The following GNRHR variants were observed in gnomAD, a reference collection of about 807,000 sequenced individuals.
GNRHR encodes the protein gonadotropin-releasing hormone receptor.
A neutral mutation model predicts 28.1 loss-of-function variants in GNRHR; 14 were observed. The ratio of observed to expected loss-of-function variants is 0.50; its 90% CI spans 0.33 to 0.78. The LOEUF is 0.78. GNRHR is among the 30% of genes least tolerant of loss of function. GNRHR has a pLI of 0.02. For missense variants in GNRHR, 366 were observed against 382.1 expected, an observed-to-expected ratio of 0.96 and a Z score of 0.35; for synonymous variants, 141 against 140.5, an observed-to-expected ratio of 1.00 and a Z score of -0.02.
intron 1 of GNRHR, 120 bp downstream of exon 1, chr4:67,753,694 A>G: frequency 1.2e-6 from 1 of 857,600 alleles, no homozygotes; most frequent in Non-Finnish European, 1.9e-6. Flanking sequence ...TCACTCTCTG[A>G]CTTCCAGAAC....
rs1469253300 is a variant in GNRHR at position 67,754,075 on chromosome 4, G to A, written c.261C>T (p.Asn87=). ...GCATGACAATCAGAGTCTCCAACAG[G>A]TTGGCTAAGGTCAGATGTTTTAAGA... The part of the protein sequence containing the change: ...KLLLKHLTLA[N]LLETLIVMPL... The change falls in exon 1 of 3, where the codon AAC becomes AAT. Residue 87 remains asparagine (N), a synonymous_variant. Coordinates refer to ENST00000226413, the MANE Select transcript of GNRHR (RefSeq NM_000406.3). 3.1e-6 allele frequency: 5 copies of A among 1,614,108 alleles called. No individual in the cohort carries two copies. The highest frequency in any genetic ancestry group is 1.3e-5 in the African/African-American group (1 of 74,936).
chr4:67,741,563 C>G (rs936927906), intron 2 of GNRHR, among the ~76,000 whole-genome samples: 7 of 152,016 alleles, frequency 4.6e-5, no homozygotes, highest in African/African-American at 1.7e-4. Context: ...TGGGTAGATA[C>G]CTAGTAGTGG....
rs566104529 is a variant in GNRHR, at chr4:67,752,443, G to A, written c.522+1371C>T. On this transcript the variant is annotated intron_variant, in intron 1 of 2. Coordinates refer to ENST00000226413, the MANE Select transcript of GNRHR (RefSeq NM_000406.3). The stretch of plus-strand genomic sequence containing the variant: ...TCCCTATATTGCCCAGTCTGGTCTC[G>A]AACTCCTGGGCTCAAGTGATCCTCC... Among the ~76,000 whole-genome samples the A allele has an allele frequency of 6.6e-4, 100 of 151,436 alleles. 1 individual carries two copies. In the South Asian group the frequency reaches 0.02, roughly 30 times the overall value.
intron 1 of GNRHR, among the ~76,000 whole-genome samples, chr4:67,745,248 G>C (rs1375861471): frequency 6.6e-6 from 1 of 151,626 alleles, no homozygotes. Context: ...AAGACATGAA[G>C]AGACAGTTGC....
intron 2 of GNRHR, among the ~76,000 whole-genome samples, chr4:67,740,979 C>G (rs571449131): frequency 2.5e-4 from 38 of 152,240 alleles, no homozygotes; most frequent in African/African-American, 7.7e-4. Context: ...ATATGGGGTA[C>G]TCAAACTCTT....
At chr4:67,742,904 C>A (rs1378369209) in intron 2 of GNRHR, among the ~76,000 whole-genome samples, 1 of 151,924 alleles carries the variant, frequency 6.6e-6, no homozygotes, top group African/African-American at 2.4e-5. Flanking sequence ...TTTTAGCAGA[C>A]AAAACCAATT....
chr4:67,749,223 T>C (rs36031156), intron 1 of GNRHR, among the ~76,000 whole-genome samples: 248 of 152,228 alleles, frequency 1.6e-3, no homozygotes, highest in African/African-American at 5.6e-3. Flanking sequence ...CACCAGTAAA[T>C]TCTCTGTGTG....
At chr4:67,750,885 G>T (rs766570278) in intron 1 of GNRHR, among the ~76,000 whole-genome samples, 5 of 152,082 alleles carry the variant, frequency 3.3e-5, no homozygotes, top group Non-Finnish European at 7.4e-5. Context: ...CACTCATCAT[G>T]CATCACAGTC....
intron 1 of GNRHR, among the ~76,000 whole-genome samples, chr4:67,745,290 CAA>C (rs556829512): frequency 6.8e-6 from 1 of 147,306 alleles, no homozygotes; most frequent in Non-Finnish European, 1.5e-5. Context: ...CAAAACAAAA[CAA>C]AAAAAAACAA....
intron 1 of GNRHR, among the ~76,000 whole-genome samples, chr4:67,748,686 T>G (rs1465352313): frequency 6.6e-6 from 1 of 151,202 alleles, no homozygotes; most frequent in African/African-American, 2.4e-5. Context: ...CTGCACGTTG[T>G]GCACGTGTAC....
chr4:67,753,197 G>T (rs1731902570), intron 1 of GNRHR, among the ~76,000 whole-genome samples: 1 of 152,126 alleles, frequency 6.6e-6, no homozygotes, highest in Admixed American at 6.5e-5. Flanking sequence ...TAACTTTAGG[G>T]AAATATTTGG....
chr4:67,745,971 G>C (rs886552430), intron 1 of GNRHR, among the ~76,000 whole-genome samples: 1 of 152,068 alleles, frequency 6.6e-6, no homozygotes, highest in African/African-American at 2.4e-5. Context: ...GAATACTAAA[G>C]AGGTATGCAA....
At position 67,754,053 on chromosome 4, in the gene GNRHR, T is replaced by G; in HGVS notation, c.283A>C (p.Met95Leu). 5.0e-6 allele frequency: 8 copies of G among 1,614,146 alleles called. No individual in the cohort carries two copies. The highest frequency in any genetic ancestry group is 6.8e-6 in the Non-Finnish European group (8 of 1,179,968). The stretch of plus-strand genomic sequence containing the variant: ...ATGTTCCACATCCCATCCAGTGGCA[T>G]GACAATCAGAGTCTCCAACAGGTTG... ...LANLLETLIV[M>L]PLDGMWNITV... The change falls in exon 1 of 3, where the codon ATG becomes CTG. Residue 95 changes from methionine (M) to leucine (L), a missense_variant. Transcript: ENST00000226413.
At chr4:67,743,083 G>C (rs1030298916) in intron 2 of GNRHR, among the ~76,000 whole-genome samples, 2 of 152,078 alleles carry the variant, frequency 1.3e-5, no homozygotes, top group African/African-American at 4.8e-5. Flanking sequence ...CTCCTGAGTA[G>C]CTGGGACTAC....
intron 1 of GNRHR, among the ~76,000 whole-genome samples, chr4:67,748,579 G>T (rs1168129736): frequency 6.6e-6 from 1 of 151,926 alleles, no homozygotes; most frequent in African/African-American, 2.4e-5. Context: ...AGACAATATT[G>T]CAGTGTTCAC....
chr4:67,750,749 A>C (rs992887338), intron 1 of GNRHR, among the ~76,000 whole-genome samples: 3 of 152,096 alleles, frequency 2.0e-5, no homozygotes, highest in African/African-American at 7.2e-5. Flanking sequence ...ATAATAGAAA[A>C]TCGGTATGTG....
Position 67,740,240 on chromosome 4 carries a change from G to GA in GNRHR, c.*239dup. 2.2e-6 allele frequency: 1 copy of GA among 464,764 alleles called. No individual in the cohort carries two copies. Among genetic ancestry groups the GA allele is most frequent in the East Asian group, 4.0e-5 (1 of 25,090 alleles). The allele number at this position is 464,764 out of a possible 1,614,324, so 28.8% of individuals were successfully genotyped here. ...CTACATAATGTGTTATATGAGGTCAGAAAAGGCAGAGATTAATTTAGAAGC... is the reference window on the plus strand; with the variant it reads ...CTACATAATGTGTTATATGAGGTCAGAAAAAGGCAGAGATTAATTTAGAAGC... On this transcript the variant is annotated 3_prime_UTR_variant, in exon 3 of 3. Transcript: ENST00000226413.
chr4:67,741,243 G>A (rs1731653707), intron 2 of GNRHR, among the ~76,000 whole-genome samples: 1 of 151,826 alleles, frequency 6.6e-6, no homozygotes, highest in Admixed American at 6.6e-5. Flanking sequence ...GTGTATCATT[G>A]TTATGCCTTT....
At chr4:67,752,765 G>T (rs942234775) in intron 1 of GNRHR, among the ~76,000 whole-genome samples, 2 of 151,546 alleles carry the variant, frequency 1.3e-5, no homozygotes, top group South Asian at 4.2e-4. Flanking sequence ...CAGCTTTCTA[G>T]TGTCTTGTGC....
Sources: gnomAD v4.1 joint callset for allele counts (sites outside exome capture counted in the v4.1 genomes callset) on GRCh38, gnomAD v4.1.1 for gene constraint, MANE v1.5 for transcripts, NCBI Gene and HGNC (gene_info 2026-07-23, HGNC 2026-07-21) for gene names.